Variants in KLHDC3 observed in about 807,000 individuals in gnomAD.
The protein encoded by KLHDC3 is kelch domain containing 3, also known as kelch domain-containing protein 3.
KLHDC3 carries 5 observed loss-of-function variants against 44.1 expected under a neutral mutation model. The observed-to-expected ratio is 0.11, with a 90% CI of 0.06 to 0.24. KLHDC3 has a LOEUF of 0.24. Ranked by LOEUF, KLHDC3 falls within the 10% of genes least tolerant of loss-of-function variation. The probability of loss-of-function intolerance (pLI) is 1.00; values close to 1 mark genes in which losing one functional copy is unlikely to be tolerated. For missense variants in KLHDC3, 247 were observed against 514.3 expected, an observed-to-expected ratio of 0.48 and a Z score of 5.03; for synonymous variants, 170 against 189.0, an observed-to-expected ratio of 0.90 and a Z score of 0.82.
chr6:43,018,841 T>G lies in KLHDC3; in HGVS notation c.821-22T>G, dbSNP rs1181271363. On this transcript the variant is annotated intron_variant, in intron 7 of 10. Transcript: ENST00000326974. This position sits in a 1 kb window ranked among gnomAD's most constrained non-coding sequence, Gnocchi z 6.0. ...TACCTGGACTAGGCAGGTATTGAACTTCCATATAAATTTCTCTTCAGTGTC... is the reference window on the plus strand; with the variant it reads ...TACCTGGACTAGGCAGGTATTGAACGTCCATATAAATTTCTCTTCAGTGTC... The G allele has an allele frequency of 6.3e-7, 1 of 1,589,046 alleles. No homozygotes were observed. The highest frequency in any genetic ancestry group is 8.6e-7 in the Non-Finnish European group (1 of 1,159,176).
At chr6:43,014,374 A>AG (rs1762503539) in intron 1 of KLHDC3, 26 bp downstream of exon 1, 1 of 485,726 alleles carries the variant, frequency 2.1e-6, no homozygotes, top group Non-Finnish European at 3.9e-6. Context: ...TAGAAGGGCA[A>AG]GGGAGAATTA....
In KLHDC3 at chr6:43,018,696, A is replaced by G. The variant is rs1195173927; in HGVS notation, c.797A>G (p.His266Arg). ...AATGCAAGGCTGAACCGGCACTTCC[A>G]TGACCTCTGGAAGTTTAATCCTGGT... Reference protein sequence around the residue: ...GYNARLNRHFHDLWKFNPVSF... With the variant: ...GYNARLNRHFRDLWKFNPVSF... The change falls in exon 7 of 11, where the codon CAT becomes CGT. Residue 266 changes from histidine (H) to arginine (R), a missense_variant. This residue lies in a region of KLHDC3 where 176 missense variants were observed against 413.5 expected (regional missense o/e 0.43). Transcript: ENST00000326974. The surrounding 1 kb of genome is among the most constrained non-coding windows in gnomAD (Gnocchi z 6.0). The G allele has an allele frequency of 1.2e-6, 2 of 1,614,060 alleles. No homozygotes were observed. The highest frequency in any genetic ancestry group is 1.7e-5 in the Admixed American group (1 of 60,008).
chr6:43,019,374 G>C lies in KLHDC3; in HGVS notation c.1082+8G>C, dbSNP rs761055438. Reference sequence around the variant, plus strand: ...TTTGCCTCATGATATCAGGTACAGCGAGTGGTTGGAAGGGAGGGATTGAGT... The same window carrying C: ...TTTGCCTCATGATATCAGGTACAGCCAGTGGTTGGAAGGGAGGGATTGAGT... On this transcript the variant is annotated splice_region_variant and intron_variant, in intron 10 of 10. Transcript: ENST00000326974. 1 of 1,602,128 alleles carries C rather than the reference G, an allele frequency of 6.2e-7. No homozygotes were observed. The highest frequency in any genetic ancestry group is 2.2e-5 in the East Asian group (1 of 44,854).
rs1217301428 is a variant in KLHDC3, at chr6:43,020,855, C to T, written c.*122C>T. 3.8e-6 allele frequency: 3 copies of T among 783,984 alleles called. No homozygotes were observed. The highest frequency in any genetic ancestry group is 2.9e-5 in the South Asian group (2 of 68,538). The allele number at this position is 783,984 out of a possible 1,614,324, so 48.6% of individuals were successfully genotyped here. Reference sequence around the variant, plus strand: ...TATACCTCCATGTGGAGTTGTTGGGCGAGAGGTGTTCTCTGTGCTGTGAAT... The same window carrying T: ...TATACCTCCATGTGGAGTTGTTGGGTGAGAGGTGTTCTCTGTGCTGTGAAT... On this transcript the variant is annotated 3_prime_UTR_variant, in exon 11 of 11. Transcript: ENST00000326974.
chr6:43,015,588 G>A (rs373902820), intron 1 of KLHDC3, among the ~76,000 whole-genome samples: 2 of 152,218 alleles, frequency 1.3e-5, no homozygotes, highest in African/African-American at 2.4e-5. Flanking sequence ...GGTGGCTCAC[G>A]CCTGTAATCC....
rs373950853 is a variant in KLHDC3, at chr6:43,017,160, G to T, written c.-33G>T. 10 of 1,600,948 alleles carry T rather than the reference G, an allele frequency of 6.2e-6. No homozygotes were observed. The Admixed American group carries it at 1.0e-4, about 16-fold the overall frequency. ...TAGCAGAGGCAGCAGGCCGTGCCGG[G>T]GGGGCATGTTGCTGTAACCAGTGGC... is the stretch of plus-strand genomic sequence containing the variant. On this transcript the variant is annotated 5_prime_UTR_variant, in exon 2 of 11. Coordinates refer to ENST00000326974, the MANE Select transcript of KLHDC3 (RefSeq NM_057161.4). This position sits in a 1 kb window ranked among gnomAD's most constrained non-coding sequence, Gnocchi z 6.0.
chr6:43,020,930 C>T lies in KLHDC3; in HGVS notation c.*197C>T, dbSNP rs1296743104. The T allele has an allele frequency of 4.5e-6, 3 of 666,054 alleles. No homozygotes were observed. The highest frequency in any genetic ancestry group is 5.6e-5 in the East Asian group (2 of 35,400). The allele number at this position is 666,054 out of a possible 1,614,324, so 41.3% of individuals were successfully genotyped here. On this transcript the variant is annotated 3_prime_UTR_variant, in exon 11 of 11. Coordinates refer to ENST00000326974, the MANE Select transcript of KLHDC3 (RefSeq NM_057161.4). ...GGGGCTAGGTTCCTCCCCCCTTGGGCCGAGGGCCCCTTCCCCTTGGTGCTC... is the reference window on the plus strand; with the variant it reads ...GGGGCTAGGTTCCTCCCCCCTTGGGTCGAGGGCCCCTTCCCCTTGGTGCTC...
chr6:43,014,249 GT>G lies in KLHDC3; in HGVS notation c.-156del. 1 of 1,027,992 alleles carries G rather than the reference GT, an allele frequency of 9.7e-7. No individual in the cohort carries two copies. Among genetic ancestry groups the G allele is most frequent in the Non-Finnish European group, 1.4e-6 (1 of 731,310 alleles). The allele number at this position is 1,027,992 out of a possible 1,614,324, so 63.7% of individuals were successfully genotyped here. On this transcript the variant is annotated 5_prime_UTR_variant, in exon 1 of 11. Coordinates refer to ENST00000326974, the MANE Select transcript of KLHDC3 (RefSeq NM_057161.4). ...CGCCGGAAGAACCGAGCTTGGCTGT[GT>G]TTATCTCGTTGGGGACTAAGGCGTC... is the stretch of plus-strand genomic sequence containing the variant.
Position 43,019,334 on chromosome 6 carries a change from C to A in KLHDC3, c.1050C>A (p.Asn350Lys). 6.8e-6 allele frequency: 11 copies of A among 1,613,756 alleles called. No individual in the cohort carries two copies. Among genetic ancestry groups the A allele is most frequent in the Non-Finnish European group, 9.3e-6 (11 of 1,179,732 alleles). Residue 350 changes from asparagine (N) to lysine (K), a missense_variant, in exon 10 of 11, where the codon AAC becomes AAA. Asn to Lys is a moderately conservative substitution (Grantham distance 94). Transcript: ENST00000326974. ...TLCKLAVIQY[N>K]LDQSCLPHDI... ...GCAAACTGGCCGTGATTCAGTATAA[C>A]CTAGACCAGTCCTGTTTGCCTCATG...
intron 10 of KLHDC3, 56 bp from the exon 11 acceptor site, chr6:43,020,611 C>T: frequency 1.4e-6 from 2 of 1,430,230 alleles, no homozygotes; most frequent in Non-Finnish European, 2.0e-6. Flanking sequence ...TCAAACATCC[C>T]TTAGCTTGGG....
intron 10 of KLHDC3, 65 bp downstream of exon 10, chr6:43,019,431 A>G: frequency 8.9e-7 from 1 of 1,127,398 alleles, no homozygotes; most frequent in Non-Finnish European, 1.4e-6. Flanking sequence ...GTGTGACCTG[A>G]TTAGCTTGGT....
Position 43,018,866 on chromosome 6 carries a change from C to T in KLHDC3, c.824C>T (p.Ser275Phe). ...FHDLWKFNPV[S>F]FTWKKIEPKG... is the part of the protein sequence containing the mutation. Reference sequence around the variant, plus strand: ...TTCCATATAAATTTCTCTTCAGTGTCCTTTACCTGGAAAAAGATTGAACCG... The same window carrying T: ...TTCCATATAAATTTCTCTTCAGTGTTCTTTACCTGGAAAAAGATTGAACCG... Residue 275 changes from serine (S) to phenylalanine (F), a missense_variant, in exon 8 of 11, where the codon TCC becomes TTC. Ser to Phe is a radical substitution (Grantham distance 155, BLOSUM62 -2). This residue lies in a region of KLHDC3 where 176 missense variants were observed against 413.5 expected (regional missense o/e 0.43). Transcript: ENST00000326974. The surrounding 1 kb of genome is among the most constrained non-coding windows in gnomAD (Gnocchi z 6.0). The T allele has an allele frequency of 6.2e-7, 1 of 1,608,930 alleles. No individual in the cohort carries two copies. Among genetic ancestry groups the T allele is most frequent in the South Asian group, 1.1e-5 (1 of 90,646 alleles).
In KLHDC3 at chr6:43,017,192, G is replaced by A. The variant is rs761826573; in HGVS notation, c.-1G>A. Reference sequence around the variant, plus strand: ...TGTTGCTGTAACCAGTGGCCCAGGGGATGTTACGGTGGACAGTGCACCTGG... The same window carrying A: ...TGTTGCTGTAACCAGTGGCCCAGGGAATGTTACGGTGGACAGTGCACCTGG... On this transcript the variant is annotated 5_prime_UTR_variant, in exon 2 of 11. Transcript: ENST00000326974. This position sits in a 1 kb window ranked among gnomAD's most constrained non-coding sequence, Gnocchi z 6.0. The A allele has an allele frequency of 8.1e-6, 13 of 1,612,168 alleles. 1 individual carries two copies. The South Asian group carries it at 1.4e-4, about 18-fold the overall frequency.
At position 43,017,630 on chromosome 6, in the gene KLHDC3, T is replaced by C. The variant is rs781011178; in HGVS notation, c.266T>C (p.Val89Ala). ...TCAACCGTCCTCATCGACGACACAG[T>C]CCTCCTTTGGGGCGGGCGGAATGAC... ...GHSTVLIDDT[V>A]LLWGGRNDTE... is the part of the protein sequence containing the mutation. The change falls in exon 3 of 11, where the codon GTC becomes GCC. Residue 89 changes from valine to alanine, a missense_variant. Physicochemically the swap from Val to Ala is moderately conservative, Grantham distance 64. This residue lies in a region of KLHDC3 where 176 missense variants were observed against 413.5 expected (regional missense o/e 0.43). Transcript: ENST00000326974. This position sits in a 1 kb window ranked among gnomAD's most constrained non-coding sequence, Gnocchi z 6.0. The C allele has an allele frequency of 3.7e-6, 6 of 1,614,080 alleles. No homozygotes were observed. In the South Asian group the frequency reaches 6.6e-5, roughly 18 times the overall value.
At chr6:43,017,000 A>G (rs1762594324) in intron 1 of KLHDC3, 134 bp from the exon 2 acceptor site, 1 of 652,894 alleles carries the variant, frequency 1.5e-6, no homozygotes, top group South Asian at 1.8e-5. Flanking sequence ...AGCTGAGACT[A>G]GTGCCCCTGT....
intron 1 of KLHDC3, among the ~76,000 whole-genome samples, chr6:43,015,127 T>A (rs1008540473): frequency 4.6e-5 from 7 of 152,204 alleles, no homozygotes; most frequent in African/African-American, 1.7e-4. Flanking sequence ...TAAGGGAGGA[T>A]GGAAGACTTC....
chr6:43,019,284 A>C lies in KLHDC3; in HGVS notation c.1004-4A>C, dbSNP rs755247200. The C allele has an allele frequency of 6.2e-7, 1 of 1,611,376 alleles. No homozygotes were observed. Among genetic ancestry groups the C allele is most frequent in the Admixed American group, 1.7e-5 (1 of 60,006 alleles). On this transcript the variant is annotated splice_polypyrimidine_tract_variant and splice_region_variant and intron_variant, in intron 9 of 10. Transcript: ENST00000326974. ...ATCTCCTTTCCACAACTTCTCCCTT[A>C]AAGGCCCTAGTCTGAAGACTCTGTG...
At position 43,017,341 on chromosome 6, in the gene KLHDC3, A is replaced by G. The variant is rs760348711; in HGVS notation, c.149A>G (p.Asn50Ser). The G allele has an allele frequency of 3.1e-6, 5 of 1,612,552 alleles. No homozygotes were observed. Among genetic ancestry groups the G allele is most frequent in the East Asian group, 2.2e-5 (1 of 44,868 alleles). Residue 50 changes from asparagine (N) to serine (S), a missense_variant, in exon 2 of 11, where the codon AAT (asparagine) becomes AGT (serine). Physicochemically the swap from Asn to Ser is conservative, Grantham distance 46 (BLOSUM62 1). Coordinates refer to ENST00000326974, the MANE Select transcript of KLHDC3 (RefSeq NM_057161.4). The surrounding 1 kb of genome is among the most constrained non-coding windows in gnomAD (Gnocchi z 6.0). ...TLRQIDVHIF[N>S]AVSLRWTKLP... is the part of the protein sequence containing the mutation. The stretch of plus-strand genomic sequence containing the variant: ...CGTCAGATAGATGTGCACATTTTCA[A>G]TGCAGGTAAGCCAATGCTGGGGCTG...
Position 43,020,922 on chromosome 6 carries a change from C to T in KLHDC3, c.*189C>T, listed in dbSNP as rs745865247. On this transcript the variant is annotated 3_prime_UTR_variant, in exon 11 of 11. Transcript: ENST00000326974. ...GCGGGGTGGGGGCTAGGTTCCTCCC[C>T]CCTTGGGCCGAGGGCCCCTTCCCCT... The T allele has an allele frequency of 9.0e-6, 6 of 667,604 alleles. No homozygotes were observed. Among genetic ancestry groups the T allele is most frequent in the South Asian group, 3.1e-5 (2 of 64,048 alleles). The allele number at this position is 667,604 out of a possible 1,614,324, so 41.4% of individuals were successfully genotyped here.
Sources: gnomAD v4.1 joint callset for allele counts (sites outside exome capture counted in the v4.1 genomes callset) on GRCh38, gnomAD v4.1.1 for gene constraint, gnomAD v4.1.1 regional missense constraint, Gnocchi (gnomAD v3.1) non-coding constraint, MANE v1.5 for transcripts, NCBI Gene and HGNC (gene_info 2026-07-23, HGNC 2026-07-21) for gene names.